Variants in CACNA1E observed in about 807,000 individuals in gnomAD.
The protein encoded by CACNA1E is calcium voltage-gated channel subunit alpha1 E, also known as voltage-dependent R-type calcium channel subunit alpha-1E.
A neutral mutation model predicts 259.2 loss-of-function variants in CACNA1E; 40 were observed. The observed-to-expected ratio is 0.15, with a 90% CI of 0.12 to 0.20. The LOEUF (loss-of-function observed/expected upper bound fraction) is 0.20. Ranked by LOEUF, CACNA1E falls within the 10% of genes least tolerant of loss-of-function variation. The probability of loss-of-function intolerance (pLI) is 1.00; values close to 1 mark genes in which losing one functional copy is unlikely to be tolerated. For missense variants in CACNA1E, 1,874 were observed against 3,040.1 expected (o/e 0.62, Z 9.02); for synonymous variants, 1,104 against 1,138.5 (o/e 0.97, Z 0.61).
intron 6 of CACNA1E, among the ~76,000 whole-genome samples, chr1:181,644,853 T>G (rs1025012890): frequency 6.6e-6 from 1 of 152,136 alleles, no homozygotes; most frequent in Admixed American, 6.5e-5. Flanking sequence ...CATTGATAAC[T>G]CCTACATTAG....
intron 7 of CACNA1E, among the ~76,000 whole-genome samples, chr1:181,682,030 G>T (rs987791054): frequency 6.6e-6 from 1 of 152,114 alleles, no homozygotes; most frequent in East Asian, 1.9e-4. Context: ...TGCAATATTT[G>T]CCCTTAAATG....
rs571180706 is a variant in CACNA1E, at chr1:181,682,135, C to T, written c.1056-28819C>T. On this transcript the variant is annotated intron_variant, in intron 7 of 47. Transcript: ENST00000367573. ...TATGTGAGCAGCGTTAATGACTATC[C>T]GATTAACGATGACCCCATAGTGGGT... Among the ~76,000 whole-genome samples, 20 of 152,262 alleles carry T rather than the reference C, an allele frequency of 1.3e-4. No individual in the cohort carries two copies. The East Asian group carries it at 3.5e-3, about 26-fold the overall frequency.
chr1:181,569,403 G>A (rs1412128585), intron 3 of CACNA1E, among the ~76,000 whole-genome samples: 7 of 152,124 alleles, frequency 4.6e-5, no homozygotes, highest in East Asian at 1.9e-4. Flanking sequence ...TCCCAGCCTC[G>A]TCCTCTTCCC....
At chr1:181,662,604 A>T (rs905983704) in intron 7 of CACNA1E, among the ~76,000 whole-genome samples, 5 of 152,234 alleles carry the variant, frequency 3.3e-5, no homozygotes, top group Non-Finnish European at 2.9e-5. Flanking sequence ...ATGAAATCAG[A>T]TAATACATGT....
intron 3 of CACNA1E, among the ~76,000 whole-genome samples, chr1:181,543,593 C>A (rs561030956): frequency 5.9e-5 from 9 of 152,306 alleles, no homozygotes; most frequent in East Asian, 5.8e-4. Flanking sequence ...TGGTTCTCTG[C>A]AGACTGAGAA....
At chr1:181,345,726 C>T (rs887028799) in intron 1 of CACNA1E, among the ~76,000 whole-genome samples, 4 of 152,204 alleles carry the variant, frequency 2.6e-5, no homozygotes, top group East Asian at 1.9e-4. Context: ...GCACAAACTG[C>T]GGCCCAGGAA....
upstream of CACNA1E, chr1:181,483,376 A>T (rs1663465671): frequency 5.8e-6 from 1 of 171,310 alleles, no homozygotes; most frequent in African/African-American, 2.4e-5. Context: ...TTTGAAGAGC[A>T]GCCTACTCCA....
At chr1:181,503,644 A>G (rs967322081) in intron 1 of CACNA1E, among the ~76,000 whole-genome samples, 1 of 152,260 alleles carries the variant, frequency 6.6e-6, no homozygotes, top group African/African-American at 2.4e-5. Context: ...ATTGAGCCAC[A>G]GTAGATGCTG....
Position 181,752,218 on chromosome 1 carries a change from C to T in CACNA1E, c.3807C>T (p.Ile1269=). ...GAGTTCTAAGGCCACTGAAAACCAT[C>T]AAGCGCTTGCCCAAGCTCAAGGTAG... ...VLRVLRPLKT[I]KRLPKLKAVF... Residue 1269 remains isoleucine (I), a synonymous_variant, in exon 27 of 48, where the codon ATC becomes ATT. Transcript: ENST00000367573. 6.2e-7 allele frequency: 1 copy of T among 1,613,318 alleles called. No homozygotes were observed. Among genetic ancestry groups the T allele is most frequent in the Non-Finnish European group, 8.5e-7 (1 of 1,179,216 alleles).
At chr1:181,440,051 C>G (rs1446674676) in intron 2 of CACNA1E, among the ~76,000 whole-genome samples, 1 of 152,178 alleles carries the variant, frequency 6.6e-6, no homozygotes, top group Non-Finnish European at 1.5e-5. Context: ...TTATAGAATG[C>G]TTTAGACCTT....
intron 28 of CACNA1E, among the ~76,000 whole-genome samples, chr1:181,755,685 T>G (rs957170458): frequency 6.6e-6 from 1 of 152,200 alleles, no homozygotes; most frequent in Non-Finnish European, 1.5e-5. Context: ...ATTATACAAG[T>G]GGAAGCTAAG....
chr1:181,736,282 C>A lies in CACNA1E; in HGVS notation c.3270C>A (p.Asn1090Lys). The change falls in exon 22 of 48, where the codon AAC (asparagine) becomes AAA (lysine). Residue 1090 changes from asparagine to lysine, a missense_variant. By Grantham distance (94) the Asn-to-Lys change is moderately conservative. Around this residue, in one of 14 missense-constraint regions of CACNA1E, gnomAD observed 476 missense variants for 514.0 expected, o/e 0.93. Coordinates refer to ENST00000367573, the MANE Select transcript of CACNA1E (RefSeq NM_001205293.3). ...AACGTGTTCCTCTTGCAGTTAGCAA[C>A]AAGACGGATGGGGAAGCCAGTCCCT... ...LVDSTVVHIS[N>K]KTDGEASPLK... 1 of 1,588,430 alleles carries A rather than the reference C, an allele frequency of 6.3e-7. No homozygotes were observed. The highest frequency in any genetic ancestry group is 8.6e-7 in the Non-Finnish European group (1 of 1,166,902).
chr1:181,655,181 T>A (rs1659109939), intron 7 of CACNA1E, among the ~76,000 whole-genome samples: 1 of 152,128 alleles, frequency 6.6e-6, no homozygotes, highest in African/African-American at 2.4e-5. Context: ...ACTTTAATGA[T>A]AATTTTTATA....
chr1:181,490,791 G>T (rs1302710695), intron 1 of CACNA1E, among the ~76,000 whole-genome samples: 2 of 152,190 alleles, frequency 1.3e-5, no homozygotes, highest in Non-Finnish European at 2.9e-5. Context: ...TTGGGGGAGG[G>T]ATTAAAAAGG....
At chr1:181,463,301 T>C (rs959919836) in intron 2 of CACNA1E, among the ~76,000 whole-genome samples, 2 of 152,178 alleles carry the variant, frequency 1.3e-5, no homozygotes, top group Non-Finnish European at 2.9e-5. Context: ...TCTCCCTCTC[T>C]AAAATTATCT....
At chr1:181,412,844 A>G (rs143573633) in intron 1 of CACNA1E, among the ~76,000 whole-genome samples, 54 of 152,238 alleles carry the variant, frequency 3.5e-4, no homozygotes, top group Non-Finnish European at 5.0e-4. Flanking sequence ...GTAGACTGTA[A>G]GTTTATGAGG....
At chr1:181,504,618 G>C (rs1334259270) in intron 1 of CACNA1E, among the ~76,000 whole-genome samples, 1 of 152,228 alleles carries the variant, frequency 6.6e-6, no homozygotes, top group East Asian at 1.9e-4. Flanking sequence ...CAGATGAAGA[G>C]CTCAGCTCCA....
rs1196191773 is a variant in CACNA1E at position 181,793,796 on chromosome 1, A to G, written c.6027+3A>G. 2.5e-6 allele frequency: 4 copies of G among 1,610,930 alleles called. No individual in the cohort carries two copies. The highest frequency in any genetic ancestry group is 1.3e-5 in the African/African-American group (1 of 74,992). On this transcript the variant is annotated splice_donor_region_variant and intron_variant, in intron 45 of 47. Coordinates refer to ENST00000367573, the MANE Select transcript of CACNA1E (RefSeq NM_001205293.3). Reference sequence around the variant, plus strand: ...CACGTCTGACTGTGGATCCCCAGGTAAAAAGCAACCACCTACATTAATGCA... The same window carrying G: ...CACGTCTGACTGTGGATCCCCAGGTGAAAAGCAACCACCTACATTAATGCA...
At chr1:181,521,515 G>A (rs1297085184) in intron 3 of CACNA1E, among the ~76,000 whole-genome samples, 2 of 152,226 alleles carry the variant, frequency 1.3e-5, no homozygotes, top group African/African-American at 2.4e-5. Flanking sequence ...AATGGACAGA[G>A]TCAGGAGAAG....
Sources: allele counts gnomAD v4.1 joint callset (sites outside exome capture counted in the v4.1 genomes callset), GRCh38; gene constraint gnomAD v4.1.1; regional missense constraint gnomAD v4.1.1; transcripts MANE v1.5; gene names NCBI Gene and HGNC (gene_info 2026-07-23, HGNC 2026-07-21).